The following MTX2 variants were observed in gnomAD, a reference collection of about 807,000 sequenced individuals.
MTX2 encodes the protein metaxin-2.
Under a neutral mutation model 42.3 loss-of-function variants are expected in MTX2, and 35 were observed. The observed-to-expected ratio is 0.83, with a 90% CI of 0.63 to 1.10. MTX2 has a LOEUF of 1.10. Ranked by LOEUF, MTX2 falls within the 50% of genes least tolerant of loss-of-function variation. The pLI, the probability that MTX2 is intolerant of heterozygous loss-of-function variation, is 0.00. For missense variants in MTX2, 307 were observed against 304.1 expected (o/e 1.01, Z -0.07); for synonymous variants, 119 against 100.9 (o/e 1.18, Z -1.08).
intron 3 of MTX2, among the ~76,000 whole-genome samples, chr2:176,307,023 GA>G (rs1684166819): frequency 6.6e-6 from 1 of 152,164 alleles, no homozygotes; most frequent in Non-Finnish European, 1.5e-5. Flanking sequence ...TTTTCTTCTA[GA>G]TTTTTTATGG....
rs961274378 is a variant in MTX2, at chr2:176,269,454, G to T, written c.-176G>T. 2 of 656,494 alleles carry T rather than the reference G, an allele frequency of 3.0e-6. No individual in the cohort carries two copies. Among genetic ancestry groups the T allele is most frequent in the South Asian group, 2.2e-5 (1 of 44,464 alleles). The allele number at this position is 656,494 out of a possible 1,614,324, so 40.7% of individuals were successfully genotyped here. On this transcript the variant is annotated 5_prime_UTR_variant, in exon 1 of 10. Transcript: ENST00000249442. ...GGCTGCGCCGGAAGTCCCTAGCCAGGCCTGGCGGTAACCTTGGGGGCCTCA... is the reference window on the plus strand; with the variant it reads ...GGCTGCGCCGGAAGTCCCTAGCCAGTCCTGGCGGTAACCTTGGGGGCCTCA...
chr2:176,270,558 C>T (rs1056397545), intron 1 of MTX2: 4 of 426,172 alleles, frequency 9.4e-6, no homozygotes, highest in African/African-American at 8.3e-5. Flanking sequence ...GCAGTGTTTT[C>T]AACATGAGTA....
At chr2:176,316,654 C>T (rs971113738) in intron 3 of MTX2, among the ~76,000 whole-genome samples, 5 of 152,242 alleles carry the variant, frequency 3.3e-5, no homozygotes, top group Middle Eastern at 3.4e-3. Flanking sequence ...CCACCTGCTT[C>T]GGCCTCCCAA....
chr2:176,271,471 A>G (rs1426478664), intron 1 of MTX2, among the ~76,000 whole-genome samples: 2 of 152,186 alleles, frequency 1.3e-5, no homozygotes, highest in Admixed American at 6.5e-5. Flanking sequence ...AGACAAACCA[A>G]CAGAATCAAG....
chr2:176,309,499 G>C (rs1054804630), intron 3 of MTX2, among the ~76,000 whole-genome samples: 5 of 152,116 alleles, frequency 3.3e-5, no homozygotes, highest in African/African-American at 1.2e-4. Flanking sequence ...GGGTGTTAAA[G>C]TATCCCATTA....
chr2:176,317,564 A>T (rs752053979), intron 3 of MTX2, among the ~76,000 whole-genome samples: 1 of 150,226 alleles, frequency 6.7e-6, no homozygotes, highest in Non-Finnish European at 1.5e-5. Context: ...CTGTAGATTG[A>T]TTATATATTG....
intron 1 of MTX2, among the ~76,000 whole-genome samples, chr2:176,295,081 C>A (rs912428124): frequency 6.6e-6 from 1 of 152,228 alleles, no homozygotes; most frequent in Non-Finnish European, 1.5e-5. Context: ...TTTCTACAGA[C>A]AATTAACATC....
At chr2:176,288,502 T>C (rs1206319222) in intron 1 of MTX2, among the ~76,000 whole-genome samples, 2 of 151,834 alleles carry the variant, frequency 1.3e-5, no homozygotes, top group Non-Finnish European at 2.9e-5. Context: ...CAGGAAGCCA[T>C]CCAAATTTGG....
intron 9 of MTX2, among the ~76,000 whole-genome samples, chr2:176,333,767 G>A (rs907384890): frequency 1.3e-5 from 2 of 151,594 alleles, no homozygotes; most frequent in Admixed American, 1.3e-4. Flanking sequence ...ACAAGTATTT[G>A]TGTACCATAA....
At chr2:176,330,849 T>C (rs780304671) in intron 9 of MTX2, among the ~76,000 whole-genome samples, 189 bp downstream of exon 9, 7 of 151,190 alleles carry the variant, frequency 4.6e-5, no homozygotes, top group Non-Finnish European at 1.0e-4. Flanking sequence ...TTCTAAAATA[T>C]GGTCCTTATC....
At chr2:176,335,647 A>C (rs1393485640) in intron 9 of MTX2, among the ~76,000 whole-genome samples, 2 of 152,066 alleles carry the variant, frequency 1.3e-5, no homozygotes, top group Non-Finnish European at 2.9e-5. Flanking sequence ...TAATGGATAT[A>C]GGAGGGTGAA....
intron 3 of MTX2, among the ~76,000 whole-genome samples, chr2:176,319,269 G>A (rs1288986976): frequency 6.6e-6 from 1 of 152,144 alleles, no homozygotes. Context: ...GTTATTTGGA[G>A]TATTTTTTGT....
At chr2:176,330,424 T>TTA (rs759179199) in intron 8 of MTX2, among the ~76,000 whole-genome samples, 160 bp from the exon 9 acceptor site, 2 of 149,720 alleles carry the variant, frequency 1.3e-5, no homozygotes, top group Admixed American at 6.7e-5. Flanking sequence ...ATAGAAAGTA[T>TTA]TATATATATA....
chr2:176,327,931 T>TC (rs1402021092), intron 5 of MTX2, among the ~76,000 whole-genome samples: 1 of 151,150 alleles, frequency 6.6e-6, no homozygotes, highest in African/African-American at 2.4e-5. Context: ...CGTATTTTTT[T>TC]CATCTTTGAC....
intron 4 of MTX2, among the ~76,000 whole-genome samples, chr2:176,325,357 G>A (rs899454089): frequency 6.6e-6 from 1 of 151,450 alleles, no homozygotes; most frequent in African/African-American, 2.4e-5. Flanking sequence ...TATAACATTG[G>A]CTCCATTTTC....
chr2:176,319,776 A>G (rs1258006053), intron 3 of MTX2, among the ~76,000 whole-genome samples: 2 of 151,964 alleles, frequency 1.3e-5, no homozygotes, highest in African/African-American at 4.8e-5. Flanking sequence ...GGGTTTCACC[A>G]TGTTGGCCAG....
intron 3 of MTX2, among the ~76,000 whole-genome samples, chr2:176,304,736 A>G (rs1443789323): frequency 6.6e-6 from 1 of 152,052 alleles, no homozygotes; most frequent in East Asian, 1.9e-4. Context: ...TGAAAATGGC[A>G]TTGCATGCTT....
At chr2:176,328,247 T>A in intron 5 of MTX2, 46 bp from the exon 6 acceptor site, 2 of 1,258,880 alleles carry the variant, frequency 1.6e-6, no homozygotes, top group Non-Finnish European at 2.2e-6. Context: ...AAAGTTTTTG[T>A]ATATTTAATA....
intron 9 of MTX2, among the ~76,000 whole-genome samples, chr2:176,336,964 T>A (rs1685001807): frequency 6.6e-6 from 1 of 152,190 alleles, no homozygotes; most frequent in Non-Finnish European, 1.5e-5. Flanking sequence ...CATAATTGCT[T>A]ACGTAAACTT....
Sources: gnomAD v4.1 joint callset for allele counts (sites outside exome capture counted in the v4.1 genomes callset) on GRCh38, gnomAD v4.1.1 for gene constraint, MANE v1.5 for transcripts, NCBI Gene and HGNC (gene_info 2026-07-23, HGNC 2026-07-21) for gene names.